Variants in FER1L5 observed in about 807,000 individuals in gnomAD.
FER1L5 encodes the protein fer-1 like family member 5.
Under a neutral mutation model 279.9 loss-of-function variants are expected in FER1L5, and 187 were observed. That is an observed-to-expected ratio of 0.67 (90% CI 0.59 to 0.75). The LOEUF is 0.75. FER1L5 is among the 30% of genes least tolerant of loss of function. The pLI, the probability that FER1L5 is intolerant of heterozygous loss-of-function variation, is 0.00. For synonymous variants in FER1L5, 921 were observed against 989.7 expected (o/e 0.93, Z 1.30); for missense variants, 2,091 against 2,594.4 (o/e 0.81, Z 4.21).
At chr2:96,692,317 T>C (rs1463721592) in intron 31 of FER1L5, 136 bp downstream of exon 31, 2 of 897,430 alleles carry the variant, frequency 2.2e-6, no homozygotes, top group Non-Finnish European at 1.8e-6. Flanking sequence ...CCTCACCAGC[T>C]GCAAGCCTTG....
In FER1L5 at chr2:96,695,522, G is replaced by T; in HGVS notation, c.3755G>T (p.Gly1252Val). 6.3e-7 allele frequency: 1 copy of T among 1,590,720 alleles called. No homozygotes were observed. The change falls in exon 35 of 53, where the codon GGC (glycine) becomes GTC (valine). Residue 1252 changes from glycine (G) to valine (V), a missense_variant. Gly to Val is a moderately radical substitution (Grantham distance 109). Transcript: ENST00000624922. ...TTGTTCTGGTAGATCCTGGCCTGGG[G>T]CCTTCGGAACATGAAGAAGGCGAGC... The part of the protein sequence containing the change: ...KRMAIEILAW[G>V]LRNMKKASSP...
chr2:96,697,644 T>C lies in FER1L5; in HGVS notation c.4135-16T>C. The C allele has an allele frequency of 6.2e-7, 1 of 1,613,968 alleles. No homozygotes were observed. The highest frequency in any genetic ancestry group is 8.5e-7 in the Non-Finnish European group (1 of 1,179,864). ...CTGCCCCTGCCCGAGGCCAGAATGA[T>C]CCTCTTCTCTGCCAGGATGAGTATG... On this transcript the variant is annotated splice_polypyrimidine_tract_variant and intron_variant, in intron 38 of 52. Coordinates refer to ENST00000624922, the MANE Select transcript of FER1L5 (RefSeq NM_001293083.2).
At chr2:96,662,777 C>G (rs539841154) in intron 13 of FER1L5, among the ~76,000 whole-genome samples, 108 of 152,320 alleles carry the variant, frequency 7.1e-4, no homozygotes, top group African/African-American at 2.2e-3. Flanking sequence ...TTAAATCCAG[C>G]CCACACATAA....
Position 96,653,624 on chromosome 2 carries a change from A to G in FER1L5, c.634-16A>G. ...GGAAGAAATCATCCACTCTACCCCA[A>G]TTCTCTTTGCCTCAGATCTTCTTCC... On this transcript the variant is annotated splice_polypyrimidine_tract_variant and intron_variant, in intron 7 of 52. Coordinates refer to ENST00000624922, the MANE Select transcript of FER1L5 (RefSeq NM_001293083.2). 2 of 1,548,928 alleles carry G rather than the reference A, an allele frequency of 1.3e-6. No homozygotes were observed. Among genetic ancestry groups the G allele is most frequent in the Non-Finnish European group, 1.7e-6 (2 of 1,144,470 alleles).
chr2:96,662,671 T>C (rs1402143030), intron 13 of FER1L5, among the ~76,000 whole-genome samples: 1 of 152,218 alleles, frequency 6.6e-6, no homozygotes, highest in East Asian at 1.9e-4. Context: ...GGGTCCTATG[T>C]TCAAATTCGG....
At chr2:96,667,643 G>A (rs2076173734) in intron 14 of FER1L5, among the ~76,000 whole-genome samples, 1 of 152,014 alleles carries the variant, frequency 6.6e-6, no homozygotes, top group South Asian at 2.1e-4. Flanking sequence ...CACCATGCCT[G>A]GTTTATTATT....
rs771625586 is a variant in FER1L5, at chr2:96,686,042, C to A, written c.1998C>A (p.Ala666=). ...SLLLQELAQK[A]KQAKPKDMVA... ...TCCTGCAGGAACTGGCCCAAAAGGC[C>A]AAGCAAGCCAAGCCCAAGGACATGG... Residue 666 remains alanine, a synonymous_variant, in exon 22 of 53, where the codon GCC becomes GCA. Transcript: ENST00000624922. The A allele has an allele frequency of 6.4e-6, 10 of 1,551,512 alleles. No homozygotes were observed. In the East Asian group the frequency reaches 2.4e-4, roughly 38 times the overall value.
Position 96,668,803 on chromosome 2 carries a change from C to A in FER1L5, c.1184+9C>A. On this transcript the variant is annotated intron_variant, in intron 15 of 52. Transcript: ENST00000624922. ...TTCAGAGTCTTGGACTGGTGAGCAA[C>A]CTGGTGGAGGCTGAAGCACACAGGG... 1.3e-6 allele frequency: 2 copies of A among 1,551,664 alleles called. No individual in the cohort carries two copies. Among genetic ancestry groups the A allele is most frequent in the Admixed American group, 2.0e-5 (1 of 51,000 alleles).
chr2:96,642,840 CT>C lies in FER1L5; in HGVS notation c.5del (p.Leu2ArgfsTer14). Reference sequence around the variant, plus strand: ...GGGAAGAAAGTAGGTCTCCGAGATGCTGCGGCTTGTGGTGCAGTCGGCCAAG... The same window carrying C: ...GGGAAGAAAGTAGGTCTCCGAGATGCGCGGCTTGTGGTGCAGTCGGCCAAG... The part of the protein sequence containing the change: M[L>X]RLVVQSAKID... On this transcript the variant is annotated frameshift_variant, in exon 1 of 53. Transcript: ENST00000624922. LOFTEE classifies it high-confidence loss of function. 1 of 1,550,672 alleles carries C rather than the reference CT, an allele frequency of 6.4e-7. No homozygotes were observed. Among genetic ancestry groups the C allele is most frequent in the Non-Finnish European group, 8.7e-7 (1 of 1,146,514 alleles).
chr2:96,703,628 C>T lies in FER1L5; in HGVS notation c.5797C>T (p.Pro1933Ser), dbSNP rs1397460806. The T allele has an allele frequency of 6.2e-7, 1 of 1,613,714 alleles. No individual in the cohort carries two copies. The highest frequency in any genetic ancestry group is 1.7e-5 in the Admixed American group (1 of 59,994). ...EPNQYPTLHP[P>S]LRTNTSFTWL... ...CAACCAGTACCCCACACTTCATCCT[C>T]CCCTGTAAGGGTCCTTGGGGCAAAA... The change falls in exon 51 of 53, where the codon CCC becomes TCC. Residue 1933 changes from proline to serine, a missense_variant. Pro to Ser is a moderately conservative substitution (Grantham distance 74, BLOSUM62 -1). Coordinates refer to ENST00000624922, the MANE Select transcript of FER1L5 (RefSeq NM_001293083.2).
intron 19 of FER1L5, among the ~76,000 whole-genome samples, chr2:96,681,473 C>T (rs753563473): frequency 6.6e-6 from 1 of 152,308 alleles, no homozygotes; most frequent in East Asian, 1.9e-4. Flanking sequence ...TTTAGCCAGA[C>T]CTCAGAGAAT....
At chr2:96,666,536 A>G (rs1358323014) in intron 14 of FER1L5, among the ~76,000 whole-genome samples, 1 of 152,112 alleles carries the variant, frequency 6.6e-6, no homozygotes, top group African/African-American at 2.4e-5. Flanking sequence ...CCACATCCCA[A>G]GAACTGCTGT....
chr2:96,658,291 C>T (rs1015986318), intron 9 of FER1L5, among the ~76,000 whole-genome samples: 18 of 151,656 alleles, frequency 1.2e-4, no homozygotes, highest in African/African-American at 4.4e-4. Flanking sequence ...GCTGGGATTA[C>T]ATGCGTGAGC....
chr2:96,672,875 T>A (rs564348884), intron 18 of FER1L5, among the ~76,000 whole-genome samples: 1 of 152,132 alleles, frequency 6.6e-6, no homozygotes, highest in South Asian at 2.1e-4. Flanking sequence ...CAGGGCTGGC[T>A]GGGTGGAGGG....
intron 10 of FER1L5, among the ~76,000 whole-genome samples, chr2:96,660,785 C>T (rs546999990): frequency 6.6e-6 from 1 of 152,246 alleles, no homozygotes; most frequent in African/African-American, 2.4e-5. Flanking sequence ...AACTCTTGAC[C>T]TCAGGTGATC....
chr2:96,658,365 G>A (rs1268589881), intron 9 of FER1L5, among the ~76,000 whole-genome samples: 1 of 144,896 alleles, frequency 6.9e-6, no homozygotes, highest in African/African-American at 2.6e-5. Context: ...CATCAAGGTT[G>A]GAGTGCAGTG....
At chr2:96,649,386 G>A (rs2075273359) in intron 4 of FER1L5, among the ~76,000 whole-genome samples, 1 of 152,074 alleles carries the variant, frequency 6.6e-6, no homozygotes, top group African/African-American at 2.4e-5. Context: ...ACCACCATGT[G>A]GCTGCTTTAA....
intron 19 of FER1L5, among the ~76,000 whole-genome samples, chr2:96,681,342 G>A (rs983842735): frequency 8.5e-5 from 13 of 152,200 alleles, no homozygotes; most frequent in Non-Finnish European, 1.3e-4. Flanking sequence ...GTGAGACCGT[G>A]TCTCAACCAA....
chr2:96,668,809 G>A lies in FER1L5; in HGVS notation c.1184+15G>A. ...GTCTTGGACTGGTGAGCAACCTGGT[G>A]GAGGCTGAAGCACACAGGGAAGGAA... is the stretch of plus-strand genomic sequence containing the variant. On this transcript the variant is annotated intron_variant, in intron 15 of 52. Coordinates refer to ENST00000624922, the MANE Select transcript of FER1L5 (RefSeq NM_001293083.2). The A allele has an allele frequency of 6.4e-7, 1 of 1,551,696 alleles. No individual in the cohort carries two copies. The highest frequency in any genetic ancestry group is 8.7e-7 in the Non-Finnish European group (1 of 1,147,000).
Sources: allele counts gnomAD v4.1 joint callset (sites outside exome capture counted in the v4.1 genomes callset), GRCh38; gene constraint gnomAD v4.1.1; transcripts MANE v1.5; gene names NCBI Gene and HGNC (gene_info 2026-07-23, HGNC 2026-07-21).